The following TP73 variants were observed in gnomAD, a reference collection of about 807,000 sequenced individuals.
TP73 encodes the protein p53-like transcription factor.
TP73 carries 25 observed loss-of-function variants against 62.5 expected under a neutral mutation model. The observed-to-expected ratio is 0.40, with a 90% confidence interval of 0.29 to 0.56. The LOEUF (loss-of-function observed/expected upper bound fraction) is 0.56, where lower values mean the gene tolerates loss of function less well. Among genes scored for constraint, TP73 ranks in the 20% least tolerant of loss-of-function variants. The pLI is 0.46. For synonymous variants in TP73, 423 were observed against 377.5 expected (o/e 1.12, Z -1.40); for missense variants, 754 against 913.3 (o/e 0.83, Z 2.25).
rs1433954680 is a variant in TP73 at position 3,725,482 on chromosome 1, G to A, written c.733-1633G>A. On this transcript the variant is annotated intron_variant, in intron 6 of 13. Transcript: ENST00000378295. ...AAATGGGGTGGGTGGGTGAGTGGAT[G>A]AATGGATGGAGTGGTGAATGGGTGA... 2.9e-5 allele frequency among the ~76,000 whole-genome samples: 4 copies of A among 139,916 alleles called. No individual in the cohort carries two copies. In the Admixed American group the frequency reaches 2.9e-4, roughly 10 times the overall value. The allele number at this position is 139,916 out of a possible 152,430, so 91.8% of individuals were successfully genotyped here.
intron 3 of TP73, among the ~76,000 whole-genome samples, chr1:3,689,743 C>A (rs946200253): frequency 2.0e-5 from 3 of 152,156 alleles, no homozygotes; most frequent in Non-Finnish European, 4.4e-5. Context: ...AGGGTCTCCG[C>A]ATGGATTTCT....
chr1:3,720,140 C>T (rs556112986), intron 4 of TP73, among the ~76,000 whole-genome samples: 1 of 152,298 alleles, frequency 6.6e-6, no homozygotes, highest in East Asian at 1.9e-4. Context: ...CCAGGCTGGT[C>T]GAACTCCTGA....
At chr1:3,703,383 T>C (rs34881405) in intron 3 of TP73, among the ~76,000 whole-genome samples, 50,832 of 152,070 alleles carry the variant, frequency 0.33, 8,863 homozygotes, top group Non-Finnish European at 0.38. Flanking sequence ...GGGCCCTGCC[T>C]GAGGAAGGCC....
At chr1:3,705,448 CCA>C (rs1639548378) in intron 3 of TP73, among the ~76,000 whole-genome samples, 1 of 152,224 alleles carries the variant, frequency 6.6e-6, no homozygotes, top group African/African-American at 2.4e-5. Context: ...GGTCCCCGTT[CCA>C]CTGGTGGGTG....
chr1:3,720,785 A>G (rs1236284824), intron 4 of TP73, among the ~76,000 whole-genome samples: 1 of 152,226 alleles, frequency 6.6e-6, no homozygotes, highest in Non-Finnish European at 1.5e-5. Flanking sequence ...AGTGGGGGTC[A>G]GGGGGTCAGG....
intron 8 of TP73, 147 bp downstream of exon 8, chr1:3,727,917 C>A: frequency 7.5e-7 from 1 of 1,324,882 alleles, no homozygotes; most frequent in Non-Finnish European, 1.0e-6. Context: ...AGCCTGAGAG[C>A]AGCCCCCATA....
rs1274856843 is a variant in TP73 at position 3,672,864 on chromosome 1, C to T, written c.-33-9469C>T. ...ACCCCTTTCTTAGAGGAAGCTCAGC[C>T]CATCAGGCCGCTCATGCTTCTGACC... On this transcript the variant is annotated intron_variant, in intron 1 of 13. Transcript: ENST00000378295. The surrounding 1 kb of genome is among the most constrained non-coding windows in gnomAD (Gnocchi z 5.3). Among the ~76,000 whole-genome samples the T allele has an allele frequency of 1.3e-5, 2 of 152,122 alleles. No individual in the cohort carries two copies. The highest frequency in any genetic ancestry group is 4.8e-5 in the African/African-American group (2 of 41,400).
chr1:3,656,627 T>C (rs905609083), intron 1 of TP73, among the ~76,000 whole-genome samples: 3 of 151,934 alleles, frequency 2.0e-5, no homozygotes, highest in Non-Finnish European at 4.4e-5. Flanking sequence ...AGTACGGGAG[T>C]GGGGACTCCA....
In TP73 at chr1:3,712,604, T is replaced by C. The variant is rs184605281; in HGVS notation, c.429+4813T>C. 2.0e-4 allele frequency among the ~76,000 whole-genome samples: 31 copies of C among 152,238 alleles called. 1 individual carries two copies. The East Asian group carries it at 5.6e-3, about 28-fold the overall frequency. On this transcript the variant is annotated intron_variant, in intron 4 of 13. Transcript: ENST00000378295. Reference sequence around the variant, plus strand: ...ATTCCCTTCCATAGGCATGAGACTGTTGGGGGAGAGGCATGATCCAATTTA... The same window carrying C: ...ATTCCCTTCCATAGGCATGAGACTGCTGGGGGAGAGGCATGATCCAATTTA...
chr1:3,714,063 G>C (rs527536091), intron 4 of TP73: 1 of 152,192 alleles, frequency 6.6e-6, no homozygotes, highest in Non-Finnish European at 1.5e-5. Flanking sequence ...CTTGCACCTG[G>C]CGTTGGGGAG....
chr1:3,688,121 G>C (rs559260113), intron 3 of TP73, among the ~76,000 whole-genome samples: 4 of 152,142 alleles, frequency 2.6e-5, no homozygotes, highest in African/African-American at 9.7e-5. Flanking sequence ...GGGGTCATGC[G>C]TGGGAGCAGG....
chr1:3,655,064 G>A (rs1016056271), intron 1 of TP73, among the ~76,000 whole-genome samples: 1 of 152,242 alleles, frequency 6.6e-6, no homozygotes, highest in South Asian at 2.1e-4. Context: ...TGAACCCTGT[G>A]TTTGCAAAAA....
intron 3 of TP73, among the ~76,000 whole-genome samples, chr1:3,702,480 C>T (rs1346273529): frequency 2.0e-5 from 3 of 152,124 alleles, no homozygotes; most frequent in Admixed American, 6.5e-5. Flanking sequence ...CAGCCCCCAG[C>T]CCCCAGCCCC....
chr1:3,688,019 C>T (rs1196340689), intron 3 of TP73, among the ~76,000 whole-genome samples: 1 of 152,136 alleles, frequency 6.6e-6, no homozygotes, highest in Admixed American at 6.5e-5. Flanking sequence ...GGCGCAGGTC[C>T]CGTGCATGTG....
At chr1:3,689,098 A>C (rs774820790) in intron 3 of TP73, among the ~76,000 whole-genome samples, 3 of 152,014 alleles carry the variant, frequency 2.0e-5, no homozygotes, top group African/African-American at 7.2e-5. Flanking sequence ...GCCCGCCCCC[A>C]ACCCAAGAGG....
At chr1:3,673,543 A>G (rs936061767) in intron 1 of TP73, among the ~76,000 whole-genome samples, 1 of 152,256 alleles carries the variant, frequency 6.6e-6, no homozygotes, top group Admixed American at 6.5e-5. Flanking sequence ...ACAAGGAAAC[A>G]GAGGCTCAGA....
intron 1 of TP73, among the ~76,000 whole-genome samples, chr1:3,673,656 G>A (rs1645294649): frequency 6.6e-6 from 1 of 152,176 alleles, no homozygotes; most frequent in Admixed American, 6.5e-5. Flanking sequence ...CGGCAGTGCT[G>A]GGCTTCAGGG....
chr1:3,684,501 G>A (rs970259003), intron 3 of TP73, among the ~76,000 whole-genome samples: 25 of 152,290 alleles, frequency 1.6e-4, no homozygotes, highest in Admixed American at 1.2e-3. Context: ...GGGGGTGGGC[G>A]GCCCAGCCAC....
intron 13 of TP73, among the ~76,000 whole-genome samples, chr1:3,731,780 G>T (rs1272334559): frequency 6.6e-6 from 1 of 152,212 alleles, no homozygotes; most frequent in Non-Finnish European, 1.5e-5. Flanking sequence ...ATGCTGAACT[G>T]GTCATTTGAG....
Sources: gnomAD v4.1 joint callset for allele counts (sites outside exome capture counted in the v4.1 genomes callset) on GRCh38, gnomAD v4.1.1 for gene constraint, Gnocchi (gnomAD v3.1) non-coding constraint, MANE v1.5 for transcripts, NCBI Gene and HGNC (gene_info 2026-07-23, HGNC 2026-07-21) for gene names.